The following SRGAP1 variants were observed in gnomAD, a reference collection of about 807,000 sequenced individuals.
SRGAP1 encodes the protein SLIT-ROBO Rho GTPase activating protein 1.
SRGAP1 carries 43 observed loss-of-function variants against 121.9 expected under a neutral mutation model. That is an observed-to-expected ratio of 0.35 (90% CI 0.28 to 0.46). SRGAP1 has a LOEUF of 0.46. Among genes scored for constraint, SRGAP1 ranks in the 20% least tolerant of loss-of-function variants. SRGAP1 has a pLI of 1.00. For missense variants in SRGAP1, 1,102 were observed against 1,350.9 expected (o/e 0.82, Z 2.89); for synonymous variants, 447 against 485.4 (o/e 0.92, Z 1.04).
intron 21 of SRGAP1, among the ~76,000 whole-genome samples, chr12:64,139,100 G>A (rs911902153): frequency 6.6e-6 from 1 of 152,144 alleles, no homozygotes; most frequent in Admixed American, 6.5e-5. Flanking sequence ...GTTGAACAAG[G>A]TGCAGGAAAA....
chr12:64,017,766 CAT>C (rs2034443417), intron 4 of SRGAP1, among the ~76,000 whole-genome samples: 1 of 151,436 alleles, frequency 6.6e-6, no homozygotes, highest in Non-Finnish European at 1.5e-5. Context: ...TTGTTAATGA[CAT>C]ATTAAAACTA....
intron 8 of SRGAP1, among the ~76,000 whole-genome samples, chr12:64,074,830 T>G (rs1462588485): frequency 2.0e-5 from 3 of 152,192 alleles, no homozygotes; most frequent in African/African-American, 7.2e-5. Flanking sequence ...GTAGATAACA[T>G]AGTCAAATAT....
At chr12:63,904,780 A>T (rs2030120716) in intron 1 of SRGAP1, among the ~76,000 whole-genome samples, 2 of 152,062 alleles carry the variant, frequency 1.3e-5, no homozygotes, top group Non-Finnish European at 2.9e-5. Flanking sequence ...AATATGTTTT[A>T]AAAAATTAGC....
rs1426489596 is a variant in SRGAP1 at position 64,152,419 on chromosome 12, G to C, written c.*9747G>C. 1.3e-5 allele frequency: 2 copies of C among 152,116 alleles called. No individual in the cohort carries two copies. The highest frequency in any genetic ancestry group is 4.8e-5 in the African/African-American group (2 of 41,406). The allele number at this position is 152,116 out of a possible 1,614,324, so 9.4% of individuals were successfully genotyped here. On this transcript the variant is annotated 3_prime_UTR_variant, in exon 22 of 22. Coordinates refer to ENST00000355086, the MANE Select transcript of SRGAP1 (RefSeq NM_020762.4). ...TTACCCTGCTCAAAAGCCACACGTGGGTCCCCACTGCTGCAGGACGGCATA... is the reference window on the plus strand; with the variant it reads ...TTACCCTGCTCAAAAGCCACACGTGCGTCCCCACTGCTGCAGGACGGCATA...
At chr12:63,959,394 T>A (rs2032568458) in intron 1 of SRGAP1, among the ~76,000 whole-genome samples, 1 of 152,208 alleles carries the variant, frequency 6.6e-6, no homozygotes, top group African/African-American at 2.4e-5. Context: ...GAGGAAGTTT[T>A]ACTATATTCC....
intron 1 of SRGAP1, among the ~76,000 whole-genome samples, chr12:63,966,689 A>G (rs770851212): frequency 1.5e-4 from 23 of 152,166 alleles, no homozygotes; most frequent in Admixed American, 1.3e-4. Context: ...GGCTTAAAAG[A>G]CAGCATAGGA....
chr12:64,000,239 G>GGTGTGTGTGTGTGTGT (rs58289093), intron 3 of SRGAP1, among the ~76,000 whole-genome samples: 75 of 131,552 alleles, frequency 5.7e-4, no homozygotes, highest in African/African-American at 1.3e-3. Context: ...GAAAGGTAGG[G>GGTGTGTGTGTGTGTGT]GTGTGTGTGT....
Position 64,143,036 on chromosome 12 carries a change from C to T in SRGAP1, c.*364C>T, listed in dbSNP as rs1345968448. 4.5e-6 allele frequency: 1 copy of T among 221,986 alleles called. No individual in the cohort carries two copies. Among genetic ancestry groups the T allele is most frequent in the African/African-American group, 2.3e-5 (1 of 44,198 alleles). 13.8% of individuals were successfully genotyped at this position (221,986 alleles called of 1,614,324 possible). ...GGTTGTGACCTGAAGGCAGAAGAAC[C>T]CGAATGCCACACCTCATTGGAGTAT... is the stretch of plus-strand genomic sequence containing the variant. On this transcript the variant is annotated 3_prime_UTR_variant, in exon 22 of 22. Coordinates refer to ENST00000355086, the MANE Select transcript of SRGAP1 (RefSeq NM_020762.4).
At chr12:63,986,476 T>G (rs1019100171) in intron 2 of SRGAP1, among the ~76,000 whole-genome samples, 2 of 151,472 alleles carry the variant, frequency 1.3e-5, no homozygotes, top group Non-Finnish European at 2.9e-5. Context: ...CAGGCTGGAG[T>G]GCAGTGGTGC....
At chr12:63,883,933 C>T (rs1412541207) in intron 1 of SRGAP1, among the ~76,000 whole-genome samples, 4 of 149,822 alleles carry the variant, frequency 2.7e-5, no homozygotes, top group Non-Finnish European at 5.9e-5. Context: ...GCTGGGATTA[C>T]AGGCGTGAGC....
chr12:64,061,349 C>G (rs1430490791), intron 6 of SRGAP1, among the ~76,000 whole-genome samples: 1 of 152,098 alleles, frequency 6.6e-6, no homozygotes. Context: ...CTTCTCACTT[C>G]TAAAAGTTTA....
chr12:63,951,298 G>T (rs1331726187), intron 1 of SRGAP1, among the ~76,000 whole-genome samples: 1 of 151,224 alleles, frequency 6.6e-6, no homozygotes, highest in Non-Finnish European at 1.5e-5. Flanking sequence ...CCAGTAGCTG[G>T]GATTACAGGC....
rs1215000482 is a variant in SRGAP1 at position 64,151,701 on chromosome 12, A to G, written c.*9029A>G. On this transcript the variant is annotated 3_prime_UTR_variant, in exon 22 of 22. Transcript: ENST00000355086. ...AGTGATAGGCTCAATGCAAATTCTT[A>G]GCAGTTTGTTAATGTGCACACCCAC... is the stretch of plus-strand genomic sequence containing the variant. 1 of 152,180 alleles carries G rather than the reference A, an allele frequency of 6.6e-6. No homozygotes were observed. Among genetic ancestry groups the G allele is most frequent in the Non-Finnish European group, 1.5e-5 (1 of 68,030 alleles). 9.4% of individuals were successfully genotyped at this position (152,180 alleles called of 1,614,324 possible).
intron 3 of SRGAP1, among the ~76,000 whole-genome samples, chr12:64,000,278 A>AGTGT (rs1565630884): frequency 2.6e-3 from 236 of 92,432 alleles, no homozygotes; most frequent in African/African-American, 9.4e-3. Context: ...GTGTGTGTAA[A>AGTGT]AAAAAAAAAC....
chr12:64,029,489 T>G (rs780669152), intron 4 of SRGAP1, among the ~76,000 whole-genome samples: 2 of 152,056 alleles, frequency 1.3e-5, no homozygotes, highest in Non-Finnish European at 2.9e-5. Context: ...CCAGACTACA[T>G]AGAGATCTCT....
intron 16 of SRGAP1, among the ~76,000 whole-genome samples, chr12:64,109,390 G>A (rs987247919): frequency 2.0e-5 from 3 of 152,004 alleles, no homozygotes; most frequent in Admixed American, 6.6e-5. Context: ...TGTTCATTGC[G>A]GAAAATTTCT....
intron 6 of SRGAP1, among the ~76,000 whole-genome samples, chr12:64,057,167 C>A (rs2035359283): frequency 1.3e-5 from 2 of 149,198 alleles, no homozygotes; most frequent in African/African-American, 5.2e-5. Flanking sequence ...CAACTCACTC[C>A]TCCTATTTGC....
chr12:63,931,941 C>T (rs945425858), intron 1 of SRGAP1, among the ~76,000 whole-genome samples: 7 of 152,034 alleles, frequency 4.6e-5, no homozygotes, highest in African/African-American at 1.7e-4. Context: ...AGGGTTAGGC[C>T]TAAAAATAAG....
At chr12:64,115,784 T>G (rs1173284277) in intron 17 of SRGAP1, 30 bp from the exon 18 acceptor site, 1 of 1,596,130 alleles carries the variant, frequency 6.3e-7, no homozygotes, top group Non-Finnish European at 8.6e-7. Flanking sequence ...CTATTTTAAT[T>G]TCATATGAAT....
Sources: allele counts gnomAD v4.1 joint callset (sites outside exome capture counted in the v4.1 genomes callset), GRCh38; gene constraint gnomAD v4.1.1; transcripts MANE v1.5; gene names NCBI Gene and HGNC (gene_info 2026-07-23, HGNC 2026-07-21).